The following BAZ2B variants were observed in gnomAD, a reference collection of about 807,000 sequenced individuals.
The protein encoded by BAZ2B is bromodomain adjacent to zinc finger domain 2B.
Under a neutral mutation model 246.0 loss-of-function variants are expected in BAZ2B, and 91 were observed. The observed-to-expected ratio is 0.37, with a 90% CI of 0.31 to 0.44. The LOEUF is 0.44. Among genes scored for constraint, BAZ2B ranks in the 20% least tolerant of loss-of-function variants. The pLI, the probability that BAZ2B is intolerant of heterozygous loss-of-function variation, is 1.00. For synonymous variants in BAZ2B, 855 were observed against 860.0 expected, an observed-to-expected ratio of 0.99 and a Z score of 0.10; for missense variants, 2,332 against 2,533.7, an observed-to-expected ratio of 0.92 and a Z score of 1.71.
chr2:159,616,794 A>T (rs897137126), upstream of BAZ2B: 2 of 152,216 alleles, frequency 1.3e-5, no homozygotes, highest in African/African-American at 4.8e-5. Flanking sequence ...TTTTGCTTTT[A>T]AAGAAGACAG....
chr2:159,432,638 CAA>C, intron 9 of BAZ2B, 117 bp downstream of exon 9: 3 of 1,359,218 alleles, frequency 2.2e-6, no homozygotes, highest in Non-Finnish European at 2.0e-6. Context: ...TAGAAATGCA[CAA>C]AGTTGTGTGA....
At chr2:159,620,167 G>C (rs939655891), upstream of BAZ2B, among the ~76,000 whole-genome samples, 1 of 152,190 alleles carries the variant, frequency 6.6e-6, no homozygotes, top group Admixed American at 6.5e-5. Context: ...TATGGGTATT[G>C]TAGATGGTTC....
At chr2:159,428,603 GA>G (rs1220956565) in intron 11 of BAZ2B, among the ~76,000 whole-genome samples, 184 bp from the exon 12 acceptor site, 1 of 151,966 alleles carries the variant, frequency 6.6e-6, no homozygotes, top group Non-Finnish European at 1.5e-5. Context: ...AATTCAACTA[GA>G]AAATTAATTA....
intron 6 of BAZ2B, among the ~76,000 whole-genome samples, chr2:159,445,529 G>A (rs1214899048): frequency 6.6e-6 from 1 of 152,150 alleles, no homozygotes; most frequent in Non-Finnish European, 1.5e-5. Flanking sequence ...AGGTATCACA[G>A]TCAAGGCTGA....
the BAZ2B span, among the ~76,000 whole-genome samples, chr2:159,646,946 T>C: frequency 6.6e-6 from 1 of 152,198 alleles, no homozygotes; most frequent in African/African-American, 2.4e-5. Flanking sequence ...TGTGTTCTCT[T>C]AAAGATAGAT....
intron 19 of BAZ2B, 57 bp from the exon 20 acceptor site, chr2:159,395,891 T>G: frequency 6.7e-7 from 1 of 1,484,780 alleles, no homozygotes; most frequent in South Asian, 1.2e-5. Context: ...AGTTTGATTT[T>G]CCAATGAAAA....
chr2:159,349,599 T>C, intron 28 of BAZ2B, 109 bp downstream of exon 28: 2 of 1,229,022 alleles, frequency 1.6e-6, no homozygotes, highest in South Asian at 3.3e-5. Context: ...TTTCAAACTG[T>C]AGCAGGAATA....
intron 30 of BAZ2B, among the ~76,000 whole-genome samples, chr2:159,348,187 G>A (rs576140601): frequency 1.3e-5 from 2 of 151,870 alleles, no homozygotes; most frequent in Non-Finnish European, 2.9e-5. Context: ...GGGTGTGGGG[G>A]CATGTGCCTG....
At chr2:159,607,163 T>G (rs1261623545) in intron 1 of BAZ2B, among the ~76,000 whole-genome samples, 1 of 152,172 alleles carries the variant, frequency 6.6e-6, no homozygotes, top group Non-Finnish European at 1.5e-5. Context: ...CCCTCCTTTT[T>G]GTCCTTATGG....
In BAZ2B at chr2:159,352,732, G is replaced by T. The variant is rs186652562; in HGVS notation, c.4214-2375C>A. On this transcript the variant is annotated intron_variant, in intron 27 of 36. Transcript: ENST00000392783. ...ACTTCTGAGCTCAAGCCATCCACCT[G>T]CAGATTACAGGCATGAGCTTTGGGA... Among the ~76,000 whole-genome samples, 215 of 152,266 alleles carry T rather than the reference G, an allele frequency of 1.4e-3. 1 individual carries two copies. Among genetic ancestry groups the T allele is most frequent in the African/African-American group, 4.7e-3 (194 of 41,548 alleles).
intron 2 of BAZ2B, among the ~76,000 whole-genome samples, chr2:159,547,312 G>A (rs576893885): frequency 1.3e-5 from 2 of 152,196 alleles, no homozygotes; most frequent in African/African-American, 4.8e-5. Context: ...AGGAATATTT[G>A]TATTAGTTAA....
chr2:159,608,879 T>C (rs957198359), intron 1 of BAZ2B, among the ~76,000 whole-genome samples: 3 of 152,060 alleles, frequency 2.0e-5, no homozygotes, highest in Admixed American at 6.6e-5. Context: ...AAGAGTAAAA[T>C]GCACTCTTAG....
intron 19 of BAZ2B, 70 bp from the exon 20 acceptor site, chr2:159,395,904 C>CA: frequency 7.5e-7 from 1 of 1,327,204 alleles, no homozygotes; most frequent in Non-Finnish European, 1.0e-6. Context: ...AATGAAAAAA[C>CA]AAAAACAAAA....
rs2063040932 is a variant in BAZ2B at position 159,389,288 on chromosome 2, AG to A, written c.3216+56del. 3.2e-5 allele frequency: 48 copies of A among 1,480,930 alleles called. No homozygotes were observed. The South Asian group carries it at 6.6e-4, about 20-fold the overall frequency. The allele number at this position is 1,480,930 out of a possible 1,614,324, so 91.7% of individuals were successfully genotyped here. A position where few individuals can be genotyped will look rare whatever the true frequency, so the allele number is the denominator to read the frequency against. ...GCAGCTCTGGCAAAGAAATCAGGTA[AG>A]AAAACTGGAAAAATTAAACTTATGA... On this transcript the variant is annotated intron_variant, in intron 21 of 36. Transcript: ENST00000392783.
At chr2:159,642,753 A>G in the BAZ2B span, among the ~76,000 whole-genome samples, 1 of 152,266 alleles carries the variant, frequency 6.6e-6, no homozygotes, top group Admixed American at 6.5e-5. Flanking sequence ...CAAGAGTAGG[A>G]TGAACAGTGC....
At chr2:159,460,028 G>A (rs2076220244) in intron 3 of BAZ2B, 1 of 151,994 alleles carries the variant, frequency 6.6e-6, no homozygotes, top group African/African-American at 2.4e-5. Flanking sequence ...ATAGGTAACT[G>A]TATACATTTT....
At chr2:159,479,784 G>A (rs1052079729) in intron 2 of BAZ2B, among the ~76,000 whole-genome samples, 1 of 152,040 alleles carries the variant, frequency 6.6e-6, no homozygotes, top group Non-Finnish European at 1.5e-5. Flanking sequence ...GATATATATG[G>A]GGAAGGTAAT....
At chr2:159,603,176 A>G (rs148880399) in intron 1 of BAZ2B, among the ~76,000 whole-genome samples, 66 of 152,346 alleles carry the variant, frequency 4.3e-4, no homozygotes, top group African/African-American at 1.4e-3. Flanking sequence ...AAATGCCCTA[A>G]GATTGGATAA....
intron 1 of BAZ2B, among the ~76,000 whole-genome samples, chr2:159,607,307 C>A (rs1224832136): frequency 2.0e-5 from 3 of 152,196 alleles, no homozygotes; most frequent in Admixed American, 2.0e-4. Context: ...TCACCCTCTG[C>A]TCTCTACTCA....
Sources: gnomAD v4.1 joint callset for allele counts (sites outside exome capture counted in the v4.1 genomes callset) on GRCh38, gnomAD v4.1.1 for gene constraint, MANE v1.5 for transcripts, NCBI Gene and HGNC (gene_info 2026-07-23, HGNC 2026-07-21) for gene names.